IGHMBP2: variants seen among roughly 807,000 people sequenced by gnomAD.
IGHMBP2 encodes immunoglobulin mu DNA binding protein 2, also known as DNA-binding protein SMUBP-2.
Under a neutral mutation model 96.0 loss-of-function variants are expected in IGHMBP2, and 81 were observed. The observed-to-expected ratio is 0.84, with a 90% CI of 0.71 to 1.01. The LOEUF is 1.01. Among genes scored for constraint, IGHMBP2 ranks in the 50% least tolerant of loss-of-function variants. The pLI is 0.00. For synonymous variants in IGHMBP2, 557 were observed against 548.9 expected, an observed-to-expected ratio of 1.01 and a Z score of -0.21; for missense variants, 1,227 against 1,306.3, an observed-to-expected ratio of 0.94 and a Z score of 0.94.
intron 5 of IGHMBP2, among the ~76,000 whole-genome samples, chr11:68,914,374 G>T (rs922751222): frequency 6.6e-6 from 1 of 152,196 alleles, no homozygotes; most frequent in Non-Finnish European, 1.5e-5. Context: ...AAACGGGAAG[G>T]GTTCCCTTGT....
At chr11:68,926,382 TGCCTCA>T (rs930322970) in intron 7 of IGHMBP2, 4 of 150,730 alleles carry the variant, frequency 2.7e-5, no homozygotes, top group Non-Finnish European at 4.4e-5. Flanking sequence ...GCAATTCTCC[TGCCTCA>T]GCCTCCCGAG....
At chr11:68,938,509 T>C (rs1859640334) in intron 14 of IGHMBP2, among the ~76,000 whole-genome samples, 155 bp downstream of exon 14, 1 of 152,208 alleles carries the variant, frequency 6.6e-6, no homozygotes, top group African/African-American at 2.4e-5. Flanking sequence ...CACTGACTCA[T>C]GATCGGTTTT....
At chr11:68,927,749 TAA>T (rs1332330066) in intron 7 of IGHMBP2, among the ~76,000 whole-genome samples, 7 of 152,254 alleles carry the variant, frequency 4.6e-5, no homozygotes, top group African/African-American at 1.7e-4. Flanking sequence ...TGAGCTCAGA[TAA>T]AGTCTTTTGA....
At chr11:68,915,605 C>T (rs1016611200) in intron 6 of IGHMBP2, among the ~76,000 whole-genome samples, 2 of 152,024 alleles carry the variant, frequency 1.3e-5, no homozygotes, top group Non-Finnish European at 2.9e-5. Context: ...GCCTCACCCT[C>T]CCAAGTAGCT....
chr11:68,922,800 G>T (rs570485744), intron 7 of IGHMBP2, among the ~76,000 whole-genome samples: 1 of 152,300 alleles, frequency 6.6e-6, no homozygotes, highest in South Asian at 2.1e-4. Context: ...TTGTGCAGCA[G>T]ATCTATAGAA....
At chr11:68,934,371 T>C (rs1390112605) in intron 10 of IGHMBP2, 93 bp from the exon 11 acceptor site, 6 of 874,916 alleles carry the variant, frequency 6.9e-6, no homozygotes, top group South Asian at 1.4e-5. Context: ...CAGCTGGCCA[T>C]GATAGACAGA....
chr11:68,906,286 G>T (rs1566423552), intron 2 of IGHMBP2, 48 bp downstream of exon 2: 1 of 1,587,452 alleles, frequency 6.3e-7, no homozygotes, highest in Non-Finnish European at 8.6e-7. Flanking sequence ...CTGGCATTCA[G>T]ACCGTGACTT....
chr11:68,908,502 G>C (rs1858292544), intron 3 of IGHMBP2, 32 bp from the exon 4 acceptor site: 2 of 1,561,284 alleles, frequency 1.3e-6, no homozygotes. Context: ...CTGAATTGCA[G>C]GTGTTCTAAT....
intron 7 of IGHMBP2, among the ~76,000 whole-genome samples, chr11:68,926,809 A>C (rs931823123): frequency 7.2e-5 from 11 of 152,100 alleles, no homozygotes; most frequent in African/African-American, 2.4e-4. Flanking sequence ...TCTGTTGCTC[A>C]GGCTGGAGTG....
At chr11:68,910,881 CA>C (rs10599717) in intron 4 of IGHMBP2, among the ~76,000 whole-genome samples, 56,274 of 120,506 alleles carry the variant, frequency 0.47, 11,928 homozygotes, top group Admixed American at 0.6. Context: ...GACTCCATCT[CA>C]AAAAAAAAAA....
Position 68,933,501 on chromosome 11 carries a change from C to G in IGHMBP2, c.1418+20C>G. The G allele has an allele frequency of 1.2e-6, 2 of 1,604,684 alleles. No homozygotes were observed. Among genetic ancestry groups the G allele is most frequent in the South Asian group, 2.2e-5 (2 of 89,538 alleles). On this transcript the variant is annotated intron_variant, in intron 9 of 14. Coordinates refer to ENST00000255078, the MANE Select transcript of IGHMBP2 (RefSeq NM_002180.3). The stretch of plus-strand genomic sequence containing the variant: ...CCTGAGGTGAGTAGCTCGGCACCAC[C>G]CGCCGCCCCATCCTTCTGCCCTGGC...
At chr11:68,914,261 G>T (rs1315678518) in intron 5 of IGHMBP2, among the ~76,000 whole-genome samples, 1 of 150,762 alleles carries the variant, frequency 6.6e-6, no homozygotes, top group Non-Finnish European at 1.5e-5. Flanking sequence ...CTGCCACTGC[G>T]CTCCAGCCTG....
intron 6 of IGHMBP2, 109 bp downstream of exon 6, chr11:68,915,132 C>T (rs1204858939): frequency 3.4e-5 from 18 of 528,242 alleles, no homozygotes; most frequent in East Asian, 1.3e-4. Flanking sequence ...TTGCTTCTGT[C>T]GATTCCTTTA....
Position 68,936,687 on chromosome 11 carries a change from T to C in IGHMBP2, c.2207T>C (p.Phe736Ser). 6.2e-7 allele frequency: 1 copy of C among 1,614,022 alleles called. No homozygotes were observed. Among genetic ancestry groups the C allele is most frequent in the Non-Finnish European group, 8.5e-7 (1 of 1,180,020 alleles). The change falls in exon 13 of 15, where the codon TTC becomes TCC. Residue 736 changes from phenylalanine to serine, a missense_variant. This residue lies in a region of IGHMBP2 where 703 missense variants were observed against 770.3 expected (regional missense o/e 0.91). Transcript: ENST00000255078. Reference protein sequence around the residue: ...VDHFRAMIVEFMASKKMQLEF... With the variant: ...VDHFRAMIVESMASKKMQLEF... ...CACTTCCGGGCCATGATAGTGGAGT[T>C]CATGGCCAGCAAGAAGATGCAGTTG...
chr11:68,934,261 C>T, intron 10 of IGHMBP2: 1 of 659,082 alleles, frequency 1.5e-6, no homozygotes, highest in Non-Finnish European at 2.8e-6. Context: ...GTCAAAAGGC[C>T]TTCATTGCTG....
chr11:68,914,706 G>A lies in IGHMBP2; in HGVS notation c.712-117G>A, dbSNP rs73527311. The A allele has an allele frequency of 5.0e-4, 516 of 1,029,040 alleles. 2 individuals are homozygous for A. The African/African-American group carries it at 7.7e-3, about 15-fold the overall frequency. 63.7% of individuals were successfully genotyped at this position (1,029,040 alleles called of 1,614,324 possible). On this transcript the variant is annotated intron_variant, in intron 5 of 14. Coordinates refer to ENST00000255078, the MANE Select transcript of IGHMBP2 (RefSeq NM_002180.3). ...AAATGAATGCAAGATTTGATTGAGA[G>A]CACGTGTGTACATGCCTTGTGCTTC...
intron 14 of IGHMBP2, 102 bp from the exon 15 acceptor site, chr11:68,939,432 C>T: frequency 1.5e-5 from 19 of 1,250,680 alleles, no homozygotes. Context: ...GTGGCCTTCT[C>T]TGTTGGGGCG....
chr11:68,929,928 G>A (rs1859213391), intron 8 of IGHMBP2: 1 of 984,932 alleles, frequency 1.0e-6, no homozygotes, highest in African/African-American at 1.8e-5. Context: ...CTGATGCAGT[G>A]GCCTGGCCCA....
In IGHMBP2 at chr11:68,934,477, C is replaced by T. The variant is rs150549628; in HGVS notation, c.1551C>T (p.Leu517=). ...QSKGNPGEVR[L]VSLHIQALVD... ...CTTTCCCTCCAGGCGAAGTCCGCCT[C>T]GTCAGTTTGCACATCCAGGCTCTGG... Residue 517 remains leucine (L), a synonymous_variant, in exon 11 of 15, where the codon CTC becomes CTT. Coordinates refer to ENST00000255078, the MANE Select transcript of IGHMBP2 (RefSeq NM_002180.3). The T allele has an allele frequency of 1.9e-4, 312 of 1,610,126 alleles. 1 individual carries two copies. Among genetic ancestry groups the T allele is most frequent in the African/African-American group, 1.8e-3 (136 of 74,950 alleles).
Sources: gnomAD v4.1 joint callset for allele counts (sites outside exome capture counted in the v4.1 genomes callset) on GRCh38, gnomAD v4.1.1 for gene constraint, gnomAD v4.1.1 regional missense constraint, MANE v1.5 for transcripts, NCBI Gene and HGNC (gene_info 2026-07-23, HGNC 2026-07-21) for gene names.